CCDC60: variants seen among roughly 807,000 people sequenced by gnomAD.
CCDC60 encodes the protein coiled-coil domain containing 60.
CCDC60 carries 54 observed loss-of-function variants against 63.5 expected under a neutral mutation model. That is an observed-to-expected ratio of 0.85 (90% CI 0.68 to 1.07). The LOEUF is 1.07. Among genes scored for constraint, CCDC60 ranks in the 50% least tolerant of loss-of-function variants. The pLI, the probability that CCDC60 is intolerant of heterozygous loss-of-function variation, is 0.00. For synonymous variants in CCDC60, 206 were observed against 238.8 expected (o/e 0.86, Z 1.27); for missense variants, 651 against 684.3 (o/e 0.95, Z 0.54).
intron 1 of CCDC60, among the ~76,000 whole-genome samples, chr12:119,373,755 C>T (rs1243406525): frequency 6.6e-6 from 1 of 152,048 alleles, no homozygotes; most frequent in East Asian, 1.9e-4. Context: ...GGAAGCTTGG[C>T]TTAGCCTCTT....
At chr12:119,531,980 A>G (rs978213280) in intron 13 of CCDC60, among the ~76,000 whole-genome samples, 2 of 152,208 alleles carry the variant, frequency 1.3e-5, no homozygotes, top group African/African-American at 4.8e-5. Context: ...GAAGTGACTC[A>G]AAAGGTCAAA....
intron 4 of CCDC60, among the ~76,000 whole-genome samples, chr12:119,481,953 C>A (rs1951326253): frequency 8.8e-6 from 1 of 113,904 alleles, no homozygotes. Flanking sequence ...TATGGATGAG[C>A]AGTATTCCAT....
intron 3 of CCDC60, 108 bp downstream of exon 3, chr12:119,472,272 C>T: frequency 9.9e-7 from 1 of 1,008,172 alleles, no homozygotes. Context: ...GCACGTGCCC[C>T]TTCTCAGCCT....
chr12:119,455,891 G>T (rs1248563794), intron 2 of CCDC60, among the ~76,000 whole-genome samples: 1 of 132,996 alleles, frequency 7.5e-6, no homozygotes, highest in Non-Finnish European at 1.6e-5. Flanking sequence ...GAAAAGAAAG[G>T]AAAGAAAGAA....
At chr12:119,344,462 A>G (rs1056357513) in intron 1 of CCDC60, among the ~76,000 whole-genome samples, 3 of 152,138 alleles carry the variant, frequency 2.0e-5, no homozygotes, top group Admixed American at 2.0e-4. Context: ...TAACTACCAC[A>G]GGGTGGGTGT....
At chr12:119,438,513 T>C (rs888429361) in intron 2 of CCDC60, among the ~76,000 whole-genome samples, 1 of 152,184 alleles carries the variant, frequency 6.6e-6, no homozygotes, top group Non-Finnish European at 1.5e-5. Flanking sequence ...CTTCCAGTTA[T>C]TAGCTGGGTG....
chr12:119,512,329 T>C (rs1952233937), intron 7 of CCDC60, among the ~76,000 whole-genome samples: 1 of 152,240 alleles, frequency 6.6e-6, no homozygotes, highest in South Asian at 2.1e-4. Flanking sequence ...AGTTGTTCAC[T>C]TTTACGTTTA....
chr12:119,484,843 G>A (rs918886009), intron 4 of CCDC60, among the ~76,000 whole-genome samples: 1 of 152,220 alleles, frequency 6.6e-6, no homozygotes, highest in Non-Finnish European at 1.5e-5. Flanking sequence ...GCAGAGCACA[G>A]AGCACCCTGT....
At chr12:119,395,394 A>G (rs1211239554) in intron 1 of CCDC60, among the ~76,000 whole-genome samples, 1 of 152,218 alleles carries the variant, frequency 6.6e-6, no homozygotes, top group Non-Finnish European at 1.5e-5. Context: ...GCCTCAGGAA[A>G]CTTATAACCA....
Position 119,505,233 on chromosome 12 carries a change from G to A in CCDC60, c.813G>A (p.Val271=). 2 of 1,613,814 alleles carry A rather than the reference G, an allele frequency of 1.2e-6. No homozygotes were observed. The highest frequency in any genetic ancestry group is 1.7e-6 in the Non-Finnish European group (2 of 1,180,038). Residue 271 remains valine (V), a synonymous_variant, in exon 7 of 14, where the codon GTG becomes GTA. Transcript: ENST00000327554. The part of the protein sequence containing the change: ...SDEPPSVNTQ[V]TSSKDIEDNE... Reference sequence around the variant, plus strand: ...AGCCCCCAAGTGTGAACACCCAGGTGACCAGCAGCAAGGACATTGAGGACA... The same window carrying A: ...AGCCCCCAAGTGTGAACACCCAGGTAACCAGCAGCAAGGACATTGAGGACA...
chr12:119,452,197 G>A (rs1218161179), intron 2 of CCDC60, among the ~76,000 whole-genome samples: 1 of 152,284 alleles, frequency 6.6e-6, no homozygotes, highest in Non-Finnish European at 1.5e-5. Context: ...ACACTGATGA[G>A]AGGGCTTGCT....
chr12:119,485,654 C>G (rs141562281), intron 4 of CCDC60, among the ~76,000 whole-genome samples: 190 of 152,146 alleles, frequency 1.2e-3, no homozygotes, highest in African/African-American at 4.4e-3. Context: ...ATAAGGACAC[C>G]AGTCAGATTA....
chr12:119,346,578 A>C (rs1955594914), intron 1 of CCDC60, among the ~76,000 whole-genome samples: 1 of 152,166 alleles, frequency 6.6e-6, no homozygotes. Flanking sequence ...AGCCTCTGGA[A>C]GAAAGGGGAA....
intron 1 of CCDC60, among the ~76,000 whole-genome samples, chr12:119,398,014 A>C (rs2136215420): frequency 3.8e-5 from 1 of 26,168 alleles, no homozygotes; most frequent in Non-Finnish European, 6.5e-5. Context: ...GATGGGAGGA[A>C]GGGGGCGGCG....
At chr12:119,469,286 A>C (rs1166371332) in intron 2 of CCDC60, among the ~76,000 whole-genome samples, 1 of 152,104 alleles carries the variant, frequency 6.6e-6, no homozygotes, top group Non-Finnish European at 1.5e-5. Context: ...TCACTCTGTC[A>C]CTCAGGCTGG....
chr12:119,478,603 C>CT lies in CCDC60; in HGVS notation c.342-469dup, dbSNP rs35215523. Among the ~76,000 whole-genome samples, 736 of 87,086 alleles carry CT rather than the reference C, an allele frequency of 8.5e-3. 8 individuals are homozygous for CT. The highest frequency in any genetic ancestry group is 0.02 in the Middle Eastern group (2 of 100). The allele number at this position is 87,086 out of a possible 152,430, so 57.1% of individuals were successfully genotyped here. On this transcript the variant is annotated intron_variant, in intron 3 of 13. Transcript: ENST00000327554. Reference sequence around the variant, plus strand: ...GATTATATACTCCATAAGGCAGGGACTTTTTTTTTTTTTTTTTTTTTTGAG... The same window carrying CT: ...GATTATATACTCCATAAGGCAGGGACTTTTTTTTTTTTTTTTTTTTTTTGAG...
intron 1 of CCDC60, among the ~76,000 whole-genome samples, chr12:119,337,322 C>G (rs766493157): frequency 6.6e-6 from 1 of 152,204 alleles, no homozygotes; most frequent in Non-Finnish European, 1.5e-5. Flanking sequence ...ATGAACACTT[C>G]AATAGCGAGG....
intron 13 of CCDC60, among the ~76,000 whole-genome samples, chr12:119,533,327 C>T (rs1249373610): frequency 6.6e-6 from 1 of 152,108 alleles, no homozygotes; most frequent in Non-Finnish European, 1.5e-5. Flanking sequence ...AGCCCTTTGT[C>T]AGATGGGTAG....
intron 1 of CCDC60, among the ~76,000 whole-genome samples, chr12:119,362,360 G>A (rs1189448469): frequency 1.3e-5 from 2 of 152,020 alleles, no homozygotes; most frequent in African/African-American, 4.8e-5. Context: ...AAACATTCCA[G>A]AAGATTCTCT....
Sources: allele counts gnomAD v4.1 joint callset (sites outside exome capture counted in the v4.1 genomes callset), GRCh38; gene constraint gnomAD v4.1.1; transcripts MANE v1.5; gene names NCBI Gene and HGNC (gene_info 2026-07-23, HGNC 2026-07-21).